Variants in CREBBP observed in about 807,000 individuals in gnomAD.
CREBBP encodes CREB binding lysine acetyltransferase.
CREBBP carries 19 observed loss-of-function variants against 265.0 expected under a neutral mutation model. The observed-to-expected ratio is 0.07, with a 90% CI of 0.05 to 0.11. The LOEUF (loss-of-function observed/expected upper bound fraction) is 0.11. CREBBP is among the 10% of genes least tolerant of loss of function. The pLI, the probability that CREBBP is intolerant of heterozygous loss-of-function variation, is 1.00. For missense variants in CREBBP, 2,525 were observed against 3,219.0 expected, an observed-to-expected ratio of 0.78 and a Z score of 5.22; for synonymous variants, 1,457 against 1,223.7, an observed-to-expected ratio of 1.19 and a Z score of -3.98.
In CREBBP at chr16:3,778,049, G is replaced by C. The variant is rs1256902034; in HGVS notation, c.2075C>G (p.Pro692Arg). 9 of 1,614,076 alleles carry C rather than the reference G, an allele frequency of 5.6e-6. No individual in the cohort carries two copies. Among genetic ancestry groups the C allele is most frequent in the Non-Finnish European group, 7.6e-6 (9 of 1,180,010 alleles). ...AGGTTGTGCCTGTGGAATCACAGGG[G>C]GCTGAGCCCCCGGGGCTGGTAAGGC... ...QPALPAPGAQ[P>R]PVIPQAQPVR... The change falls in exon 10 of 31, where the codon CCC becomes CGC. Residue 692 changes from proline (P) to arginine (R), a missense_variant. Physicochemically the swap from Pro to Arg is moderately radical, Grantham distance 103. This residue lies in a region of CREBBP where 548 missense variants were observed against 533.0 expected (regional missense o/e 1.03). Coordinates refer to ENST00000262367, the MANE Select transcript of CREBBP (RefSeq NM_004380.3).
At chr16:3,757,715 T>TC in intron 18 of CREBBP, 94 bp downstream of exon 18, 1 of 1,542,572 alleles carries the variant, frequency 6.5e-7, no homozygotes, top group Non-Finnish European at 8.8e-7. Flanking sequence ...ACATATGCAC[T>TC]CCCAGTATAC....
chr16:3,813,395 T>C (rs900978160), intron 2 of CREBBP, among the ~76,000 whole-genome samples: 1 of 152,222 alleles, frequency 6.6e-6, no homozygotes, highest in Non-Finnish European at 1.5e-5. Flanking sequence ...AGCACATTTC[T>C]GATTTGCAAG....
intron 2 of CREBBP, among the ~76,000 whole-genome samples, chr16:3,821,806 G>A (rs1011379318): frequency 1.3e-5 from 2 of 152,202 alleles, no homozygotes; most frequent in African/African-American, 4.8e-5. Flanking sequence ...AAGGCGGGTG[G>A]ATCACCTGAG....
Position 3,739,398 on chromosome 16 carries a change from C to T in CREBBP, c.4280+180G>A, listed in dbSNP as rs954319354. On this transcript the variant is annotated intron_variant, in intron 25 of 30. Coordinates refer to ENST00000262367, the MANE Select transcript of CREBBP (RefSeq NM_004380.3). ...AACACGCTCACTGCAGTCATCTCAA[C>T]AGTTCATTTCCCGCTAGTTTAATGG... The T allele has an allele frequency of 1.3e-5, 9 of 712,080 alleles. No individual in the cohort carries two copies. The African/African-American group carries it at 1.6e-4, about 13-fold the overall frequency. 44.1% of individuals were successfully genotyped at this position (712,080 alleles called of 1,614,324 possible). A position where few individuals can be genotyped will look rare whatever the true frequency, so the allele number is the denominator to read the frequency against.
intron 24 of CREBBP, 132 bp downstream of exon 24, chr16:3,740,267 G>C (rs975684328): frequency 9.9e-7 from 1 of 1,008,716 alleles, no homozygotes; most frequent in Non-Finnish European, 1.5e-6. Context: ...AGCTGAGGGG[G>C]CTACTGCACG....
intron 26 of CREBBP, 56 bp downstream of exon 26, chr16:3,738,503 A>T (rs746301107): frequency 4.0e-5 from 41 of 1,035,954 alleles, no homozygotes; most frequent in Non-Finnish European, 6.2e-5. Flanking sequence ...CGGAATAAAC[A>T]TACAGTAAAA....
chr16:3,871,028 G>A (rs753962331), intron 1 of CREBBP, among the ~76,000 whole-genome samples: 1 of 149,330 alleles, frequency 6.7e-6, no homozygotes, highest in Non-Finnish European at 1.5e-5. Context: ...GAAGGGGAAG[G>A]GGAAGGAAGG....
intron 2 of CREBBP, among the ~76,000 whole-genome samples, chr16:3,815,028 G>C (rs545459916): frequency 6.6e-5 from 10 of 152,316 alleles, no homozygotes; most frequent in African/African-American, 2.4e-4. Context: ...ACTGGTCCTA[G>C]CCTGCAGTTA....
At chr16:3,752,748 T>C (rs1383381669) in intron 19 of CREBBP, among the ~76,000 whole-genome samples, 1 of 152,248 alleles carries the variant, frequency 6.6e-6, no homozygotes, top group African/African-American at 2.4e-5. Context: ...CTGTTCTGAC[T>C]TGGGGGCAAT....
chr16:3,846,057 A>G (rs578035341), intron 2 of CREBBP, among the ~76,000 whole-genome samples: 8 of 152,224 alleles, frequency 5.3e-5, no homozygotes, highest in Non-Finnish European at 1.0e-4. Context: ...TATACTTGGT[A>G]AAAACATATT....
intron 19 of CREBBP, among the ~76,000 whole-genome samples, chr16:3,753,209 C>T (rs1447310858): frequency 6.6e-6 from 1 of 152,228 alleles, no homozygotes; most frequent in African/African-American, 2.4e-5. Flanking sequence ...CACACGGCTA[C>T]AGAAGACTGA....
Position 3,725,477 on chromosome 16 carries a change from G to A in CREBBP, c.*2241C>T. ...GCCCCACTTCTTGTTTGAACACATG[G>A]CTCAAGGTTTCCCTACGGGTGGAAA... On this transcript the variant is annotated 3_prime_UTR_variant, in exon 31 of 31. Coordinates refer to ENST00000262367, the MANE Select transcript of CREBBP (RefSeq NM_004380.3). The A allele has an allele frequency of 4.3e-6, 1 of 233,230 alleles. No homozygotes were observed. The highest frequency in any genetic ancestry group is 6.0e-5 in the East Asian group (1 of 16,600). 14.4% of individuals were successfully genotyped at this position (233,230 alleles called of 1,614,324 possible).
rs1396766839 is a variant in CREBBP at position 3,725,684 on chromosome 16, C to T, written c.*2034G>A. ...GCATTTTATAACTCAAGGTTCAAAG[C>T]TCTGTGCTAAAACTAGATCGGACCT... On this transcript the variant is annotated 3_prime_UTR_variant, in exon 31 of 31. Transcript: ENST00000262367. 1 of 233,272 alleles carries T rather than the reference C, an allele frequency of 4.3e-6. No individual in the cohort carries two copies. 14.5% of individuals were successfully genotyped at this position (233,272 alleles called of 1,614,324 possible).
intron 1 of CREBBP, among the ~76,000 whole-genome samples, chr16:3,865,685 C>T (rs2141562941): frequency 6.6e-6 from 1 of 151,816 alleles, no homozygotes; most frequent in African/African-American, 2.4e-5. Context: ...GTCGCCCAGG[C>T]TGGAATGTAG....
At chr16:3,752,969 C>T (rs1027403354) in intron 19 of CREBBP, among the ~76,000 whole-genome samples, 1 of 152,192 alleles carries the variant, frequency 6.6e-6, no homozygotes, top group Non-Finnish European at 1.5e-5. Context: ...AAGATGAGTA[C>T]ACAAGAATAC....
At position 3,770,830 on chromosome 16, in the gene CREBBP, G is replaced by C. The variant is rs2141202688; in HGVS notation, c.2620C>G (p.Pro874Ala). Residue 874 changes from proline (P) to alanine (A), a missense_variant, in exon 14 of 31, where the codon CCA becomes GCA. This residue lies in a region of CREBBP where 548 missense variants were observed against 533.0 expected (regional missense o/e 1.03). Coordinates refer to ENST00000262367, the MANE Select transcript of CREBBP (RefSeq NM_004380.3). ...GGCTGGGGAGGAGTCATCCCAGGTG[G>C]TGTCGTGTGCTGGAGAGATGGCATG... ...AGMPSLQHTT[P>A]PGMTPPQPAA... 6.2e-7 allele frequency: 1 copy of C among 1,614,068 alleles called. No individual in the cohort carries two copies. The highest frequency in any genetic ancestry group is 2.2e-5 in the East Asian group (1 of 44,862).
Position 3,755,863 on chromosome 16 carries a change from T to C in CREBBP, c.3698+1425A>G, listed in dbSNP as rs530411946. ...CAGTTTAGGGTCTGTCCTTCCCCCT[T>C]GCACCAGTGTTTCACTACACTGAAC... On this transcript the variant is annotated intron_variant, in intron 19 of 30. Transcript: ENST00000262367. Among the ~76,000 whole-genome samples the C allele has an allele frequency of 1.2e-4, 18 of 152,260 alleles. No homozygotes were observed. In the South Asian group the frequency reaches 2.9e-3, roughly 25 times the overall value.
chr16:3,833,888 T>A (rs1567348100), intron 2 of CREBBP, among the ~76,000 whole-genome samples: 1 of 152,130 alleles, frequency 6.6e-6, no homozygotes, highest in Admixed American at 6.5e-5. Context: ...ACACATCTGA[T>A]AAAGATCTAT....
At chr16:3,835,414 C>T (rs938839834) in intron 2 of CREBBP, among the ~76,000 whole-genome samples, 3 of 152,004 alleles carry the variant, frequency 2.0e-5, no homozygotes, top group Admixed American at 6.6e-5. Context: ...GGTCATGGGG[C>T]TGGATGTGGT....
Sources: gnomAD v4.1 joint callset for allele counts (sites outside exome capture counted in the v4.1 genomes callset) on GRCh38, gnomAD v4.1.1 for gene constraint, gnomAD v4.1.1 regional missense constraint, MANE v1.5 for transcripts, NCBI Gene and HGNC (gene_info 2026-07-23, HGNC 2026-07-21) for gene names.